The following PHF14 variants were observed in gnomAD, a reference collection of about 807,000 sequenced individuals.
The protein encoded by PHF14 is PHD finger protein 14.
A neutral mutation model predicts 117.9 loss-of-function variants in PHF14; 55 were observed. The ratio of observed to expected loss-of-function variants is 0.47; its 90% CI spans 0.38 to 0.58. The LOEUF is 0.58. Among genes scored for constraint, PHF14 ranks in the 20% least tolerant of loss-of-function variants. The pLI, the probability that PHF14 is intolerant of heterozygous loss-of-function variation, is 0.00. For missense variants in PHF14, 978 were observed against 1,122.2 expected (o/e 0.87, Z 1.84); for synonymous variants, 409 against 368.6 (o/e 1.11, Z -1.26).
chr7:11,069,119 A>C (rs1227575981), intron 16 of PHF14, among the ~76,000 whole-genome samples: 1 of 152,164 alleles, frequency 6.6e-6, no homozygotes, highest in Non-Finnish European at 1.5e-5. Flanking sequence ...GAAGCCAGTC[A>C]GGAAAGGTTG....
At chr7:11,106,396 G>A (rs528312034) in intron 16 of PHF14, 1 of 965,510 alleles carries the variant, frequency 1.0e-6, no homozygotes, top group South Asian at 4.8e-5. Flanking sequence ...TTTGTGAAAT[G>A]ATTAAAAACC....
chr7:11,044,091 C>G (rs1197656602), intron 13 of PHF14, among the ~76,000 whole-genome samples: 1 of 151,954 alleles, frequency 6.6e-6, no homozygotes, highest in Non-Finnish European at 1.5e-5. Flanking sequence ...GAAAAGAAAA[C>G]CAAATACTGC....
At chr7:10,990,190 A>C (rs557086974) in intron 3 of PHF14, among the ~76,000 whole-genome samples, 13 of 152,332 alleles carry the variant, frequency 8.5e-5, no homozygotes, top group African/African-American at 2.9e-4. Context: ...TAAGTGTGCC[A>C]TCACATACAT....
intron 13 of PHF14, among the ~76,000 whole-genome samples, chr7:11,045,895 G>A (rs1051253462): frequency 1.3e-5 from 2 of 152,204 alleles, no homozygotes; most frequent in Non-Finnish European, 2.9e-5. Flanking sequence ...ACTTGCTGAG[G>A]CTGTGTAGCA....
At chr7:11,078,377 G>A (rs1019511143) in intron 16 of PHF14, among the ~76,000 whole-genome samples, 1 of 152,050 alleles carries the variant, frequency 6.6e-6, no homozygotes, top group East Asian at 1.9e-4. Flanking sequence ...AAAAATGGTG[G>A]GGAGAGGGCA....
chr7:11,131,958 G>T (rs1348634410), intron 17 of PHF14, among the ~76,000 whole-genome samples: 3 of 151,342 alleles, frequency 2.0e-5, no homozygotes, highest in African/African-American at 2.4e-5. Flanking sequence ...TTTCTTGTTG[G>T]GTTTTTTTAA....
intron 13 of PHF14, among the ~76,000 whole-genome samples, chr7:11,043,768 C>T (rs1006653920): frequency 1.3e-5 from 2 of 151,998 alleles, no homozygotes; most frequent in African/African-American, 2.4e-5. Flanking sequence ...TTTTTATGTG[C>T]TTCAGAAACT....
At chr7:11,084,871 T>C (rs1786322526) in intron 16 of PHF14, among the ~76,000 whole-genome samples, 1 of 152,162 alleles carries the variant, frequency 6.6e-6, no homozygotes, top group Non-Finnish European at 1.5e-5. Context: ...GATTTTCATA[T>C]CTGTGAATTG....
chr7:11,066,481 C>T (rs1583429790), intron 16 of PHF14, among the ~76,000 whole-genome samples: 1 of 152,170 alleles, frequency 6.6e-6, no homozygotes, highest in African/African-American at 2.4e-5. Context: ...TATTTCCTAT[C>T]TAATAATTCT....
At chr7:11,067,937 G>A (rs549156545) in intron 16 of PHF14, among the ~76,000 whole-genome samples, 3 of 152,250 alleles carry the variant, frequency 2.0e-5, no homozygotes, top group African/African-American at 7.2e-5. Flanking sequence ...TCTTCATGAC[G>A]TAAACACCTC....
At chr7:11,005,784 A>ATTCTTTTT (rs1674922007) in intron 4 of PHF14, among the ~76,000 whole-genome samples, 1 of 133,860 alleles carries the variant, frequency 7.5e-6, no homozygotes, top group Non-Finnish European at 1.6e-5. Context: ...AGAAGTAAAA[A>ATTCTTTTT]TTCTTTTTTT....
chr7:10,974,205 G>T lies in PHF14; in HGVS notation c.-119G>T. 1 of 883,214 alleles carries T rather than the reference G, an allele frequency of 1.1e-6. No individual in the cohort carries two copies. Among genetic ancestry groups the T allele is most frequent in the Admixed American group, 2.0e-5 (1 of 49,610 alleles). 54.7% of individuals were successfully genotyped at this position (883,214 alleles called of 1,614,324 possible). On this transcript the variant is annotated 5_prime_UTR_variant, in exon 1 of 18. Transcript: ENST00000634607. Reference sequence around the variant, plus strand: ...GCCCCTGTCCGGCTGGCTGCGCGCCGGTTTTAAATAGCATCTTTCGGACTT... The same window carrying T: ...GCCCCTGTCCGGCTGGCTGCGCGCCTGTTTTAAATAGCATCTTTCGGACTT...
At chr7:11,032,361 G>A (rs1784148150) in intron 7 of PHF14, among the ~76,000 whole-genome samples, 1 of 152,128 alleles carries the variant, frequency 6.6e-6, no homozygotes, top group South Asian at 2.1e-4. Context: ...TACCAGTAAA[G>A]CGTAGGTACG....
chr7:11,144,373 T>A lies in PHF14; in HGVS notation c.2773-25043T>A, dbSNP rs6961592. The stretch of plus-strand genomic sequence containing the variant: ...GCAATCACACTACTGGGTATTTATC[T>A]AAAGGAAAATAAATTAGTATATTGA... On this transcript the variant is annotated intron_variant, in intron 17 of 17. Coordinates refer to ENST00000634607, the MANE Select transcript of PHF14 (RefSeq NM_001007157.2). Among the ~76,000 whole-genome samples, 1,059 of 151,832 alleles carry A rather than the reference T, an allele frequency of 7.0e-3. 15 individuals are homozygous for A. Among genetic ancestry groups the A allele is most frequent in the African/African-American group, 0.025 (1,016 of 41,364 alleles).
chr7:10,987,022 C>G (rs1782247963), intron 3 of PHF14, among the ~76,000 whole-genome samples: 2 of 152,176 alleles, frequency 1.3e-5, no homozygotes, highest in East Asian at 3.9e-4. Context: ...CATTAGATGT[C>G]ATGTTGAGAA....
At chr7:11,048,947 A>G (rs1447541991) in intron 13 of PHF14, among the ~76,000 whole-genome samples, 1 of 152,190 alleles carries the variant, frequency 6.6e-6, no homozygotes, top group Non-Finnish European at 1.5e-5. Context: ...GGAATTAGCC[A>G]AATTTCTTTG....
At chr7:11,147,908 A>G (rs1048741661) in intron 17 of PHF14, among the ~76,000 whole-genome samples, 4 of 152,154 alleles carry the variant, frequency 2.6e-5, no homozygotes, top group African/African-American at 9.7e-5. Flanking sequence ...CTCAAACTTA[A>G]TGTTACCAAA....
At chr7:11,157,162 A>G (rs1487905022) in intron 17 of PHF14, among the ~76,000 whole-genome samples, 2 of 152,178 alleles carry the variant, frequency 1.3e-5, no homozygotes, top group Non-Finnish European at 2.9e-5. Context: ...AAAACATCTC[A>G]TTCATATTTT....
At chr7:10,975,039 T>G in intron 2 of PHF14, 94 bp downstream of exon 2, 2 of 711,302 alleles carry the variant, frequency 2.8e-6, no homozygotes, top group South Asian at 1.7e-5. Flanking sequence ...AATGCCAATT[T>G]TAAGTGAAAG....
Sources: allele counts gnomAD v4.1 joint callset (sites outside exome capture counted in the v4.1 genomes callset), GRCh38; gene constraint gnomAD v4.1.1; transcripts MANE v1.5; gene names NCBI Gene and HGNC (gene_info 2026-07-23, HGNC 2026-07-21).